The following GABRB1 variants were observed in gnomAD, a reference collection of about 807,000 sequenced individuals.
GABRB1 encodes the protein gamma-aminobutyric acid receptor subunit beta-1.
Under a neutral mutation model 51.6 loss-of-function variants are expected in GABRB1, and 17 were observed. The observed-to-expected ratio is 0.33, with a 90% CI of 0.23 to 0.49. The LOEUF is 0.49. Ranked by LOEUF, GABRB1 falls within the 20% of genes least tolerant of loss-of-function variation. The pLI is 0.99. For synonymous variants in GABRB1, 247 were observed against 218.9 expected (o/e 1.13, Z -1.14); for missense variants, 410 against 600.6 (o/e 0.68, Z 3.32).
chr4:47,370,920 ATT>A (rs113505913), intron 5 of GABRB1, among the ~76,000 whole-genome samples: 343 of 150,982 alleles, frequency 2.3e-3, no homozygotes, highest in Non-Finnish European at 4.3e-3. Context: ...CTACCACTTT[ATT>A]TTTTTTTTCT....
At chr4:47,258,272 C>T (rs2109873528) in intron 4 of GABRB1, among the ~76,000 whole-genome samples, 1 of 152,168 alleles carries the variant, frequency 6.6e-6, no homozygotes, top group East Asian at 1.9e-4. Context: ...AATTTTTAAT[C>T]AGAGTTCAGA....
intron 5 of GABRB1, 101 bp from the exon 6 acceptor site, chr4:47,403,217 C>T (rs1473585006): frequency 1.5e-6 from 2 of 1,326,306 alleles, no homozygotes; most frequent in African/African-American, 1.5e-5. Flanking sequence ...AGCAATGCCA[C>T]CTTACCACTT....
At chr4:47,068,007 G>T (rs1195198115) in intron 3 of GABRB1, among the ~76,000 whole-genome samples, 2 of 152,284 alleles carry the variant, frequency 1.3e-5, no homozygotes, top group African/African-American at 4.8e-5. Context: ...GCATTAGTTT[G>T]CTGAGGATAA....
intron 4 of GABRB1, among the ~76,000 whole-genome samples, chr4:47,236,370 A>T (rs981819681): frequency 1.3e-5 from 2 of 152,134 alleles, no homozygotes; most frequent in African/African-American, 4.8e-5. Context: ...TACATCTATA[A>T]TTTATGTAAT....
chr4:47,155,735 T>C (rs1383286085), intron 3 of GABRB1, among the ~76,000 whole-genome samples: 1 of 151,794 alleles, frequency 6.6e-6, no homozygotes, highest in Non-Finnish European at 1.5e-5. Flanking sequence ...TGGATTTTAA[T>C]AAAATGATTT....
chr4:47,312,356 C>T (rs1020982909), intron 4 of GABRB1, among the ~76,000 whole-genome samples: 3 of 152,120 alleles, frequency 2.0e-5, no homozygotes, highest in Non-Finnish European at 2.9e-5. Flanking sequence ...AATCCTGTCA[C>T]AACTATGAAG....
At chr4:47,107,288 A>C (rs1157859437) in intron 3 of GABRB1, among the ~76,000 whole-genome samples, 1 of 152,076 alleles carries the variant, frequency 6.6e-6, no homozygotes, top group African/African-American at 2.4e-5. Context: ...ATTCTAAAAA[A>C]AGGGATCGAG....
chr4:47,118,142 A>T (rs1047848510), intron 3 of GABRB1, among the ~76,000 whole-genome samples: 2 of 152,160 alleles, frequency 1.3e-5, no homozygotes, highest in Admixed American at 6.6e-5. Context: ...GTCCAAAGAG[A>T]TGACTGGAAT....
At chr4:47,118,726 A>C (rs553505725) in intron 3 of GABRB1, among the ~76,000 whole-genome samples, 46 of 152,284 alleles carry the variant, frequency 3.0e-4, no homozygotes, top group African/African-American at 1.1e-3. Context: ...ATATACATAC[A>C]TTCAAGCATG....
chr4:47,252,488 A>C (rs1217632538), intron 4 of GABRB1, among the ~76,000 whole-genome samples: 1 of 148,342 alleles, frequency 6.7e-6, no homozygotes, highest in African/African-American at 2.5e-5. Flanking sequence ...CTATCTAAGA[A>C]ACCATTAATA....
chr4:47,215,815 C>T (rs1223556145), intron 4 of GABRB1, among the ~76,000 whole-genome samples: 8 of 151,988 alleles, frequency 5.3e-5, no homozygotes, highest in Admixed American at 5.3e-4. Context: ...CTCAAACACC[C>T]TAGAATGGTC....
chr4:47,118,242 TGAA>T (rs1278790848), intron 3 of GABRB1, among the ~76,000 whole-genome samples: 2 of 152,130 alleles, frequency 1.3e-5, no homozygotes, highest in Non-Finnish European at 2.9e-5. Flanking sequence ...CCAATGAGTT[TGAA>T]GAATATTTTG....
At chr4:47,418,993 G>T (rs1330625537) in intron 8 of GABRB1, among the ~76,000 whole-genome samples, 2 of 152,122 alleles carry the variant, frequency 1.3e-5, no homozygotes, top group Non-Finnish European at 2.9e-5. Context: ...TCACAAACTG[G>T]TCATATTTTC....
chr4:47,331,714 C>A (rs372753329), intron 5 of GABRB1, among the ~76,000 whole-genome samples: 13 of 152,244 alleles, frequency 8.5e-5, no homozygotes, highest in Middle Eastern at 3.4e-3. Flanking sequence ...AACTAAGGAA[C>A]TTTTTGATTC....
At chr4:47,376,418 G>A (rs1727378490) in intron 5 of GABRB1, among the ~76,000 whole-genome samples, 1 of 152,110 alleles carries the variant, frequency 6.6e-6, no homozygotes, top group African/African-American at 2.4e-5. Context: ...AGGTCGAGAC[G>A]GGCGGATCAC....
intron 4 of GABRB1, among the ~76,000 whole-genome samples, chr4:47,236,716 A>G (rs1721346607): frequency 6.6e-6 from 1 of 152,150 alleles, no homozygotes; most frequent in Non-Finnish European, 1.5e-5. Flanking sequence ...GAGTAAGTTT[A>G]TTTGGGCAAT....
At chr4:47,178,825 C>T (rs1718812874) in intron 4 of GABRB1, among the ~76,000 whole-genome samples, 1 of 152,008 alleles carries the variant, frequency 6.6e-6, no homozygotes, top group African/African-American at 2.4e-5. Flanking sequence ...TTGAATGTAG[C>T]ATTTATGGTT....
chr4:47,297,963 C>G (rs1412473542), intron 4 of GABRB1, among the ~76,000 whole-genome samples: 1 of 152,146 alleles, frequency 6.6e-6, no homozygotes, highest in Non-Finnish European at 1.5e-5. Flanking sequence ...TGTAATGCAG[C>G]ATATAAACAG....
At chr4:47,131,556 AACTGC>A (rs1329868005) in intron 3 of GABRB1, among the ~76,000 whole-genome samples, 1 of 152,060 alleles carries the variant, frequency 6.6e-6, no homozygotes, top group African/African-American at 2.4e-5. Context: ...TAATGGCCAA[AACTGC>A]AATTTTTTTT....
Sources: allele counts gnomAD v4.1 joint callset (sites outside exome capture counted in the v4.1 genomes callset), GRCh38; gene constraint gnomAD v4.1.1; transcripts MANE v1.5; gene names NCBI Gene and HGNC (gene_info 2026-07-23, HGNC 2026-07-21).